The following SLC49A4 variants were observed in gnomAD, a reference collection of about 807,000 sequenced individuals.
The protein encoded by SLC49A4 is solute carrier family 49 member 4.
A neutral mutation model predicts 50.6 loss-of-function variants in SLC49A4; 36 were observed. The observed-to-expected ratio is 0.71, with a 90% confidence interval of 0.55 to 0.94. The LOEUF is 0.94. SLC49A4 is among the 40% of genes least tolerant of loss of function. SLC49A4 has a pLI of 0.00. For synonymous variants in SLC49A4, 248 were observed against 241.2 expected (o/e 1.03, Z -0.26); for missense variants, 503 against 605.7 (o/e 0.83, Z 1.78).
intron 7 of SLC49A4, 101 bp downstream of exon 7, chr3:122,860,303 G>C: frequency 8.4e-7 from 1 of 1,193,246 alleles, no homozygotes; most frequent in Non-Finnish European, 1.1e-6. Flanking sequence ...GTAAGTAATT[G>C]TTAAATATAC....
rs1013063852 is a variant in SLC49A4 at position 122,844,783 on chromosome 3, C to CA, written c.834-966dup. Among the ~76,000 whole-genome samples the CA allele has an allele frequency of 6.3e-3, 818 of 130,632 alleles. 6 individuals are homozygous for CA. Among genetic ancestry groups the CA allele is most frequent in the African/African-American group, 0.019 (669 of 35,238 alleles). 85.7% of individuals were successfully genotyped at this position (130,632 alleles called of 152,430 possible). On this transcript the variant is annotated intron_variant, in intron 4 of 8. Transcript: ENST00000261038. ...GGCTACAAGAGTGGAACTCCATCTTCAAAAAAAAAAAAAATTTCAAGAAGC... is the reference window on the plus strand; with the variant it reads ...GGCTACAAGAGTGGAACTCCATCTTCAAAAAAAAAAAAAAATTTCAAGAAGC...
At chr3:122,811,565 C>T (rs562513871) in intron 2 of SLC49A4, among the ~76,000 whole-genome samples, 1 of 152,168 alleles carries the variant, frequency 6.6e-6, no homozygotes, top group Non-Finnish European at 1.5e-5. Flanking sequence ...TATATTTGCA[C>T]TTATAGAAAA....
chr3:122,859,941 TAAAA>T, intron 6 of SLC49A4, 130 bp from the exon 7 acceptor site: 1 of 884,052 alleles, frequency 1.1e-6, no homozygotes, highest in South Asian at 2.7e-5. Flanking sequence ...AAATTTGTTT[TAAAA>T]AAACACTGAA....
chr3:122,876,141 G>A (rs1275066946), intron 8 of SLC49A4, among the ~76,000 whole-genome samples: 3 of 152,186 alleles, frequency 2.0e-5, no homozygotes, highest in Admixed American at 6.5e-5. Flanking sequence ...ATCCCATTGA[G>A]TTGACATAGC....
intron 5 of SLC49A4, among the ~76,000 whole-genome samples, chr3:122,847,313 A>G (rs960345234): frequency 6.6e-6 from 1 of 151,578 alleles, no homozygotes; most frequent in Non-Finnish European, 1.5e-5. Flanking sequence ...AGAATCTAGA[A>G]TCTCTTTATT....
At chr3:122,838,365 A>G (rs1449826524) in intron 4 of SLC49A4, among the ~76,000 whole-genome samples, 1 of 152,214 alleles carries the variant, frequency 6.6e-6, no homozygotes, top group Non-Finnish European at 1.5e-5. Context: ...ACCATGGAAT[A>G]CTATGCAGCC....
intron 7 of SLC49A4, among the ~76,000 whole-genome samples, chr3:122,870,816 CAATAATAATAAT>C (rs199524636): frequency 6.8e-6 from 1 of 147,392 alleles, no homozygotes; most frequent in African/African-American, 2.5e-5. Flanking sequence ...TCCATCTCAA[CAATAATAATAAT>C]AATAATAATA....
At chr3:122,800,067 T>A (rs1182086341) in intron 1 of SLC49A4, among the ~76,000 whole-genome samples, 2 of 152,104 alleles carry the variant, frequency 1.3e-5, no homozygotes, top group African/African-American at 2.4e-5. Context: ...ATTTGGGAGT[T>A]GTCAGCCTAC....
In SLC49A4 at chr3:122,877,205, G is replaced by GGT. The variant is rs547415069; in HGVS notation, c.1322-2057_1322-2056dup. ...TTGCTTATTAGAGCACCTAAACAGT[G>GGT]GTTTATGTGAATGGTTTTCAGCAGG... On this transcript the variant is annotated intron_variant, in intron 8 of 8. Transcript: ENST00000261038. 3.9e-5 allele frequency among the ~76,000 whole-genome samples: 6 copies of GGT among 152,184 alleles called. No homozygotes were observed. The South Asian group carries it at 1.2e-3, about 32-fold the overall frequency.
chr3:122,838,821 A>G (rs1238298483), intron 4 of SLC49A4, among the ~76,000 whole-genome samples: 1 of 152,166 alleles, frequency 6.6e-6, no homozygotes, highest in Non-Finnish European at 1.5e-5. Flanking sequence ...GCCCAAAGCA[A>G]TCTACAGATT....
chr3:122,843,081 T>A (rs1936795362), intron 4 of SLC49A4, among the ~76,000 whole-genome samples: 1 of 152,220 alleles, frequency 6.6e-6, no homozygotes, highest in Non-Finnish European at 1.5e-5. Context: ...CAGATGCCTT[T>A]AATGTGTATC....
At chr3:122,858,709 T>G (rs1937021068) in intron 6 of SLC49A4, among the ~76,000 whole-genome samples, 1 of 151,952 alleles carries the variant, frequency 6.6e-6, no homozygotes, top group Non-Finnish European at 1.5e-5. Context: ...CTTTAGAAAA[T>G]TAAAAGTGAA....
intron 4 of SLC49A4, among the ~76,000 whole-genome samples, chr3:122,843,943 C>T (rs1039766627): frequency 6.6e-6 from 1 of 152,190 alleles, no homozygotes; most frequent in Non-Finnish European, 1.5e-5. Flanking sequence ...CTTTGTACTC[C>T]ATGGTATTAA....
chr3:122,835,101 A>G (rs1258827839), intron 4 of SLC49A4, among the ~76,000 whole-genome samples: 1 of 152,204 alleles, frequency 6.6e-6, no homozygotes, highest in Admixed American at 6.5e-5. Flanking sequence ...GATTGGCCAG[A>G]TGGATTCACA....
chr3:122,832,956 T>C (rs1383187133), intron 3 of SLC49A4, among the ~76,000 whole-genome samples: 1 of 152,226 alleles, frequency 6.6e-6, no homozygotes, highest in Non-Finnish European at 1.5e-5. Flanking sequence ...CCGGGCATGG[T>C]GGCCCACACC....
chr3:122,870,830 ATAATAATAATAAT>A (rs1207125785), intron 7 of SLC49A4, among the ~76,000 whole-genome samples: 9 of 131,282 alleles, frequency 6.9e-5, no homozygotes, highest in African/African-American at 1.1e-4. Context: ...AATAATAATA[ATAATAATAATAAT>A]TAATTAATAA....
Position 122,795,086 on chromosome 3 carries a change from C to A in SLC49A4, c.-107C>A. 8.4e-7 allele frequency: 1 copy of A among 1,192,560 alleles called. No homozygotes were observed. The highest frequency in any genetic ancestry group is 1.0e-6 in the Non-Finnish European group (1 of 955,444). The allele number at this position is 1,192,560 out of a possible 1,614,324, so 73.9% of individuals were successfully genotyped here. A position where few individuals can be genotyped will look rare whatever the true frequency, so the allele number is the denominator to read the frequency against. On this transcript the variant is annotated 5_prime_UTR_variant, in exon 1 of 9. Transcript: ENST00000261038. Reference sequence around the variant, plus strand: ...CCAGGCGCGGTCCGGAGGCCGAGGGCGACCACAGCAGCCTCCGCCTCCTGC... The same window carrying A: ...CCAGGCGCGGTCCGGAGGCCGAGGGAGACCACAGCAGCCTCCGCCTCCTGC...
intron 1 of SLC49A4, among the ~76,000 whole-genome samples, chr3:122,796,536 G>A (rs1044994257): frequency 2.6e-5 from 4 of 152,122 alleles, no homozygotes; most frequent in African/African-American, 4.8e-5. Context: ...AATCGGTGTC[G>A]GGTGAGGGCC....
intron 5 of SLC49A4, 106 bp from the exon 6 acceptor site, chr3:122,856,201 C>A: frequency 1.1e-6 from 1 of 943,876 alleles, no homozygotes; most frequent in Non-Finnish European, 1.6e-6. Context: ...TCTTTTATTT[C>A]ATCCATTTAG....
Sources: allele counts gnomAD v4.1 joint callset (sites outside exome capture counted in the v4.1 genomes callset), GRCh38; gene constraint gnomAD v4.1.1; transcripts MANE v1.5; gene names NCBI Gene and HGNC (gene_info 2026-07-23, HGNC 2026-07-21).